ZNF888: variants seen among roughly 807,000 people sequenced by gnomAD.
ZNF888 encodes the protein CTD-2331H12.6.
ZNF888 carries 5 observed loss-of-function variants against 7.2 expected under a neutral mutation model. The ratio of observed to expected loss-of-function variants is 0.70; its 90% confidence interval spans 0.36 to 1.46. The LOEUF (loss-of-function observed/expected upper bound fraction) is 1.46. Among genes scored for constraint, ZNF888 ranks in the 40% most tolerant of loss-of-function variants. The pLI, the probability that ZNF888 is intolerant of heterozygous loss-of-function variation, is 0.03. For synonymous variants in ZNF888, 240 were observed against 284.3 expected (o/e 0.84, Z 1.57); for missense variants, 716 against 858.0 (o/e 0.83, Z 2.07).
Position 52,905,710 on chromosome 19 carries a change from T to G in ZNF888, c.*455A>C, listed in dbSNP as rs573882755. 38 of 453,736 alleles carry G rather than the reference T, an allele frequency of 8.4e-5. No homozygotes were observed. The highest frequency in any genetic ancestry group is 6.9e-4 in the South Asian group (38 of 54,718). 28.1% of individuals were successfully genotyped at this position (453,736 alleles called of 1,614,324 possible). ...AGTCAATGCTGAACTGACTCTAGTGTCAATTAATGCTTGATGGTTTGCTAT... is the reference window on the plus strand; with the variant it reads ...AGTCAATGCTGAACTGACTCTAGTGGCAATTAATGCTTGATGGTTTGCTAT... On this transcript the variant is annotated 3_prime_UTR_variant, in exon 5 of 5. Transcript: ENST00000638862.
Position 52,907,918 on chromosome 19 carries a change from A to T in ZNF888, c.404T>A (p.Ile135Asn). 6.2e-7 allele frequency: 1 copy of T among 1,614,172 alleles called. No homozygotes were observed. The highest frequency in any genetic ancestry group is 1.1e-5 in the South Asian group (1 of 91,080). The change falls in exon 5 of 5, where the codon ATT becomes AAT. Residue 135 changes from isoleucine (I) to asparagine (N), a missense_variant. Around this residue, in one of 2 missense-constraint regions of ZNF888, gnomAD observed 697 missense variants for 803.4 expected, o/e 0.87. Coordinates refer to ENST00000638862, the MANE Select transcript of ZNF888 (RefSeq NM_001393938.1). ...AAAGCTTGATCCAAGCTGATATTTAATAGGCTTGTTTCCAGCATGCCTTTG... is the reference window on the plus strand; with the variant it reads ...AAAGCTTGATCCAAGCTGATATTTATTAGGCTTGTTTCCAGCATGCCTTTG... ...YDQRHAGNKP[I>N]KYQLGSSFHS...
intron 2 of ZNF888, chr19:52,918,139 G>A: frequency 1.5e-6 from 2 of 1,375,686 alleles, no homozygotes; most frequent in Non-Finnish European, 1.9e-6. Context: ...CGCTGCAGCA[G>A]TAGGGATCTG....
Position 52,906,527 on chromosome 19 carries a change from G to T in ZNF888, c.1795C>A (p.Leu599Ile), listed in dbSNP as rs1007847471. ...TQSQLACHHR[L>I]HTGEKPYKCE... ...TTGTAAGGTTTCTCTCCAGTATGAA[G>T]TCTATGATGACATGCAAGTTGTGAC... The change falls in exon 5 of 5, where the codon CTT becomes ATT. Residue 599 changes from leucine to isoleucine, a missense_variant. Around this residue, in one of 2 missense-constraint regions of ZNF888, gnomAD observed 697 missense variants for 803.4 expected, o/e 0.87. Coordinates refer to ENST00000638862, the MANE Select transcript of ZNF888 (RefSeq NM_001393938.1). The T allele has an allele frequency of 2.5e-6, 4 of 1,613,200 alleles. No individual in the cohort carries two copies. Among genetic ancestry groups the T allele is most frequent in the African/African-American group, 1.3e-5 (1 of 74,752 alleles).
At chr19:52,919,948 A>T (rs1568749915) in intron 1 of ZNF888, among the ~76,000 whole-genome samples, 1 of 52,354 alleles carries the variant, frequency 1.9e-5, no homozygotes, top group Non-Finnish European at 4.2e-5. Flanking sequence ...GGAAGTGAGG[A>T]GCCCCTCTGC....
In ZNF888 at chr19:52,908,636, A is replaced by G. The variant is rs1003355517; in HGVS notation, c.143-457T>C. On this transcript the variant is annotated intron_variant, in intron 4 of 4. Coordinates refer to ENST00000638862, the MANE Select transcript of ZNF888 (RefSeq NM_001393938.1). Reference sequence around the variant, plus strand: ...GCTCTTGTAAGGATAACCAAAATCAATGGAAATCCTGTACTGTCAAACCAT... The same window carrying G: ...GCTCTTGTAAGGATAACCAAAATCAGTGGAAATCCTGTACTGTCAAACCAT... 2.0e-5 allele frequency among the ~76,000 whole-genome samples: 3 copies of G among 152,168 alleles called. No individual in the cohort carries two copies. The South Asian group carries it at 6.2e-4, about 32-fold the overall frequency.
chr19:52,907,743 A>C lies in ZNF888; in HGVS notation c.579T>G (p.Asn193Lys). The change falls in exon 5 of 5, where the codon AAT becomes AAG. Residue 193 changes from asparagine to lysine, a missense_variant. Around this residue, in one of 2 missense-constraint regions of ZNF888, gnomAD observed 697 missense variants for 803.4 expected, o/e 0.87. Transcript: ENST00000638862. ...TGAGTAATGAAGAATGGAAGAAATTATTCCCATAGTTATTAGAAATATGGG... is the reference window on the plus strand; with the variant it reads ...TGAGTAATGAAGAATGGAAGAAATTCTTCCCATAGTTATTAGAAATATGGG... ...PKTHISNNYGNNFFHSSLLTQ... is the reference protein window; with the variant it reads ...PKTHISNNYGKNFFHSSLLTQ... The C allele has an allele frequency of 6.2e-7, 1 of 1,613,876 alleles. No homozygotes were observed. Among genetic ancestry groups the C allele is most frequent in the Non-Finnish European group, 8.5e-7 (1 of 1,179,918 alleles).
At chr19:52,923,185 A>G (rs1324709857) in intron 1 of ZNF888, among the ~76,000 whole-genome samples, 184 bp downstream of exon 1, 1 of 152,232 alleles carries the variant, frequency 6.6e-6, no homozygotes, top group Non-Finnish European at 1.5e-5. Flanking sequence ...AGGACAGGGC[A>G]GCCTCAGGGC....
Position 52,919,315 on chromosome 19 carries a change from G to A in ZNF888, c.-177-378C>T, listed in dbSNP as rs369603548. 2.2e-4 allele frequency among the ~76,000 whole-genome samples: 14 copies of A among 62,742 alleles called. 3 individuals carry two copies. In the East Asian group the frequency reaches 3.6e-3, roughly 16 times the overall value. 41.2% of individuals were successfully genotyped at this position (62,742 alleles called of 152,430 possible). ...GCCGAGCGCCTGCGATTGCGGGCGCGCGCCGCCACGCCTGACTGGTTTTCA... is the reference window on the plus strand; with the variant it reads ...GCCGAGCGCCTGCGATTGCGGGCGCACGCCGCCACGCCTGACTGGTTTTCA... On this transcript the variant is annotated intron_variant, in intron 1 of 4. Transcript: ENST00000638862.
intron 4 of ZNF888, among the ~76,000 whole-genome samples, chr19:52,910,875 T>C (rs1032550841): frequency 2.0e-5 from 3 of 152,142 alleles, no homozygotes; most frequent in African/African-American, 7.2e-5. Flanking sequence ...ATGATTCTCC[T>C]ACCTCAAGTG....
rs867205448 is a variant in ZNF888 at position 52,920,802 on chromosome 19, T to C, written c.-177-1865A>G. Among the ~76,000 whole-genome samples the C allele has an allele frequency of 6.0e-5, 4 of 66,258 alleles. 1 individual carries two copies. The highest frequency in any genetic ancestry group is 1.4e-4 in the African/African-American group (3 of 21,070). The allele number at this position is 66,258 out of a possible 152,430, so 43.5% of individuals were successfully genotyped here. A position where few individuals can be genotyped will look rare whatever the true frequency, so the allele number is the denominator to read the frequency against. On this transcript the variant is annotated intron_variant, in intron 1 of 4. Transcript: ENST00000638862. ...GTCTTTCTTTAATGTATTTGATTGA[T>C]GTCTCCTGTCTCCCTAAAATGTATA...
intron 4 of ZNF888, among the ~76,000 whole-genome samples, chr19:52,908,563 T>A (rs1209126842): frequency 6.6e-6 from 1 of 152,150 alleles, no homozygotes; most frequent in Non-Finnish European, 1.5e-5. Flanking sequence ...TAGAAATAAA[T>A]GCTAAAGGAC....
rs1425656566 is a variant in ZNF888 at position 52,919,962 on chromosome 19, GC to G, written c.-177-1026del. ...GGGAAGTGAGGAGCCCCTCTGCCCG[GC>G]CAGCCGCCCCGTCCGGGAGGTGAGG... On this transcript the variant is annotated intron_variant, in intron 1 of 4. Coordinates refer to ENST00000638862, the MANE Select transcript of ZNF888 (RefSeq NM_001393938.1). Among the ~76,000 whole-genome samples, 6 of 57,046 alleles carry G rather than the reference GC, an allele frequency of 1.1e-4. 1 individual carries two copies. Among genetic ancestry groups the G allele is most frequent in the Non-Finnish European group, 1.6e-4 (4 of 25,694 alleles). The allele number at this position is 57,046 out of a possible 152,430, so 37.4% of individuals were successfully genotyped here.
Position 52,907,991 on chromosome 19 carries a change from G to A in ZNF888, c.331C>T (p.Pro111Ser). Residue 111 changes from proline to serine, a missense_variant, in exon 5 of 5, where the codon CCC (proline) becomes TCC (serine). Pro to Ser is a moderately conservative substitution (Grantham distance 74, BLOSUM62 -1). This residue lies in a region of ZNF888 where 697 missense variants were observed against 803.4 expected (regional missense o/e 0.87). Coordinates refer to ENST00000638862, the MANE Select transcript of ZNF888 (RefSeq NM_001393938.1). ...QEDETNGHEA[P>S]MTEIKELTGS... is the part of the protein sequence containing the mutation. ...GTCAACTCTTTGATTTCTGTCATGG[G>A]TGCTTCATGGCCATTTGTTTCATCT... 2 of 1,614,078 alleles carry A rather than the reference G, an allele frequency of 1.2e-6. No individual in the cohort carries two copies. Among genetic ancestry groups the A allele is most frequent in the Non-Finnish European group, 1.7e-6 (2 of 1,180,000 alleles).
At position 52,907,277 on chromosome 19, in the gene ZNF888, T is replaced by C. The variant is rs923288236; in HGVS notation, c.1045A>G (p.Thr349Ala). Residue 349 changes from threonine (T) to alanine (A), a missense_variant, in exon 5 of 5, where the codon ACT (threonine) becomes GCT (alanine). Thr to Ala is a moderately conservative substitution (Grantham distance 58). Transcript: ENST00000638862. ...SNLARHHRVH[T>A]GEKPYQCKEC... ...TTACATTGGTAAGGTTTCTCTCCAG[T>C]ATGAACTCTATGATGACGTGCAAGG... 1.5e-5 allele frequency: 24 copies of C among 1,613,438 alleles called. No individual in the cohort carries two copies. Among genetic ancestry groups the C allele is most frequent in the Non-Finnish European group, 2.0e-5 (24 of 1,179,804 alleles).
chr19:52,906,895 C>A lies in ZNF888; in HGVS notation c.1427G>T (p.Ser476Ile). The change falls in exon 5 of 5, where the codon AGT becomes ATT. Residue 476 changes from serine (S) to isoleucine (I), a missense_variant. Around this residue, in one of 2 missense-constraint regions of ZNF888, gnomAD observed 697 missense variants for 803.4 expected, o/e 0.87. Coordinates refer to ENST00000638862, the MANE Select transcript of ZNF888 (RefSeq NM_001393938.1). Reference protein sequence around the residue: ...YKCKECDKVFSRKSHLERHRR... With the variant: ...YKCKECDKVFIRKSHLERHRR... ...ATGTCTTTCAAGGTGTGATTTGCGA[C>A]TGAAAACTTTGTCACATTCTTTACA... The A allele has an allele frequency of 6.2e-7, 1 of 1,610,138 alleles. No homozygotes were observed. The highest frequency in any genetic ancestry group is 8.5e-7 in the Non-Finnish European group (1 of 1,178,908).
chr19:52,921,780 T>C (rs1373847576), intron 1 of ZNF888: 1 of 304,090 alleles, frequency 3.3e-6, no homozygotes, highest in Non-Finnish European at 4.8e-6. Flanking sequence ...ATACAAAAAT[T>C]ATCCAGGCAT....
Position 52,906,771 on chromosome 19 carries a change from A to G in ZNF888, c.1551T>C (p.Thr517=). The part of the protein sequence containing the change: ...SHLAQHTVIH[T]GEKPYKCNEC... Reference sequence around the variant, plus strand: ...CATTACACTTGTAAGGTTTCTCTCCAGTGTGAATTACAGTATGTTGTGCCA... The same window carrying G: ...CATTACACTTGTAAGGTTTCTCTCCGGTGTGAATTACAGTATGTTGTGCCA... Residue 517 remains threonine (T), a synonymous_variant, in exon 5 of 5, where the codon ACT becomes ACC. Transcript: ENST00000638862. 6.2e-7 allele frequency: 1 copy of G among 1,613,944 alleles called. No homozygotes were observed. Among genetic ancestry groups the G allele is most frequent in the Non-Finnish European group, 8.5e-7 (1 of 1,179,882 alleles).
In ZNF888 at chr19:52,906,817, G is replaced by A. The variant is rs1039292614; in HGVS notation, c.1505C>T (p.Ala502Val). 1 of 1,613,460 alleles carries A rather than the reference G, an allele frequency of 6.2e-7. No individual in the cohort carries two copies. The highest frequency in any genetic ancestry group is 1.3e-5 in the African/African-American group (1 of 74,762). ...TGCCAGGTGTGAATCACGTCTGAAAGCCTTGTCACAAACCTTACATTTGTA... is the reference window on the plus strand; with the variant it reads ...TGCCAGGTGTGAATCACGTCTGAAAACCTTGTCACAAACCTTACATTTGTA... Reference protein sequence around the residue: ...KPYKCKVCDKAFRRDSHLAQH... With the variant: ...KPYKCKVCDKVFRRDSHLAQH... The change falls in exon 5 of 5, where the codon GCT (alanine) becomes GTT (valine). Residue 502 changes from alanine to valine, a missense_variant. Physicochemically the swap from Ala to Val is moderately conservative, Grantham distance 64 (BLOSUM62 0). Around this residue, in one of 2 missense-constraint regions of ZNF888, gnomAD observed 697 missense variants for 803.4 expected, o/e 0.87. Coordinates refer to ENST00000638862, the MANE Select transcript of ZNF888 (RefSeq NM_001393938.1).
At chr19:52,915,459 C>A (rs1280942784) in intron 3 of ZNF888, 137 bp from the exon 4 acceptor site, 1 of 1,588,568 alleles carries the variant, frequency 6.3e-7, no homozygotes, top group Non-Finnish European at 8.5e-7. Flanking sequence ...GATTCTTCAC[C>A]ACATGATGTA....
Sources: allele counts gnomAD v4.1 joint callset (sites outside exome capture counted in the v4.1 genomes callset), GRCh38; gene constraint gnomAD v4.1.1; regional missense constraint gnomAD v4.1.1; transcripts MANE v1.5; gene names NCBI Gene and HGNC (gene_info 2026-07-23, HGNC 2026-07-21).